LAMA3: variants seen among roughly 807,000 people sequenced by gnomAD.
LAMA3 encodes laminin subunit alpha 3, also known as laminin subunit alpha-3.
LAMA3 carries 281 observed loss-of-function variants against 402.0 expected under a neutral mutation model. The observed-to-expected ratio is 0.70, with a 90% CI of 0.63 to 0.77. The LOEUF is 0.77. Among genes scored for constraint, LAMA3 ranks in the 30% least tolerant of loss-of-function variants. LAMA3 has a pLI of 0.00. For synonymous variants in LAMA3, 1,431 were observed against 1,558.4 expected, an observed-to-expected ratio of 0.92 and a Z score of 1.93; for missense variants, 3,840 against 4,215.5, an observed-to-expected ratio of 0.91 and a Z score of 2.47.
intron 12 of LAMA3, among the ~76,000 whole-genome samples, chr18:23,804,936 C>T (rs1342441035): frequency 6.6e-6 from 1 of 152,186 alleles, no homozygotes; most frequent in Non-Finnish European, 1.5e-5. Context: ...TCACCAGAAG[C>T]AGATGCTGGC....
rs1415311756 is a variant in LAMA3 at position 23,912,853 on chromosome 18, T to C, written c.7301T>C (p.Met2434Thr). 1 of 1,614,032 alleles carries C rather than the reference T, an allele frequency of 6.2e-7. No individual in the cohort carries two copies. Among genetic ancestry groups the C allele is most frequent in the African/African-American group, 1.3e-5 (1 of 75,072 alleles). The change falls in exon 56 of 75, where the codon ATG becomes ACG. Residue 2434 changes from methionine (M) to threonine (T), a missense_variant. Physicochemically the swap from Met to Thr is moderately conservative, Grantham distance 81 (BLOSUM62 -1). Coordinates refer to ENST00000313654, the MANE Select transcript of LAMA3 (RefSeq NM_198129.4). The part of the protein sequence containing the change: ...NSRENGGTEN[M>T]FVMYLGNKDA... The stretch of plus-strand genomic sequence containing the variant: ...AGAGAAAATGGGGGTACTGAGAATA[T>C]GTTTGTGATGTACCTTGGAAATAAA...
chr18:23,760,278 CT>C (rs1345600663), intron 7 of LAMA3, among the ~76,000 whole-genome samples: 4 of 152,020 alleles, frequency 2.6e-5, no homozygotes, highest in African/African-American at 9.7e-5. Context: ...TCTAAATTCC[CT>C]TTGAAATATA....
chr18:23,817,857 T>C lies in LAMA3; in HGVS notation c.2147+1370T>C, dbSNP rs372537768. 2.6e-5 allele frequency among the ~76,000 whole-genome samples: 4 copies of C among 152,152 alleles called. No individual in the cohort carries two copies. The East Asian group carries it at 5.8e-4, about 22-fold the overall frequency. ...GCCTCCCCATGGGCCAGGGGAGCTT[T>C]GTAAATGCCTGCATAAAACGTTTTC... On this transcript the variant is annotated intron_variant, in intron 18 of 74. Transcript: ENST00000313654.
Position 23,878,707 on chromosome 18 carries a change from A to G in LAMA3, c.5112+2300A>G, listed in dbSNP as rs189431098. ...CTGATTTCACTGCAAATTGACCTCC[A>G]CCTCTCAAGGTCCAAAGTAAATGTT... is the stretch of plus-strand genomic sequence containing the variant. On this transcript the variant is annotated intron_variant, in intron 39 of 74. Coordinates refer to ENST00000313654, the MANE Select transcript of LAMA3 (RefSeq NM_198129.4). Among the ~76,000 whole-genome samples, 229 of 152,290 alleles carry G rather than the reference A, an allele frequency of 1.5e-3. 3 individuals carry two copies. The highest frequency in any genetic ancestry group is 1.3e-3 in the Non-Finnish European group (91 of 68,018).
intron 5 of LAMA3, among the ~76,000 whole-genome samples, chr18:23,752,858 G>A (rs1009076981): frequency 1.2e-4 from 18 of 152,194 alleles, no homozygotes; most frequent in South Asian, 6.2e-4. Context: ...TTGTCCTTGC[G>A]AATTCAAAGA....
chr18:23,706,078 A>G (rs1321899625), intron 1 of LAMA3, among the ~76,000 whole-genome samples: 2 of 152,174 alleles, frequency 1.3e-5, no homozygotes, highest in East Asian at 3.9e-4. Flanking sequence ...AAAGTATATC[A>G]TGCTTTTTTC....
intron 31 of LAMA3, 86 bp from the exon 32 acceptor site, chr18:23,847,378 T>A: frequency 2.1e-6 from 3 of 1,425,416 alleles, no homozygotes; most frequent in Non-Finnish European, 2.9e-6. Flanking sequence ...TTTGGAGGCT[T>A]CTGGAAAGCC....
intron 1 of LAMA3, among the ~76,000 whole-genome samples, chr18:23,703,370 C>T (rs751144038): frequency 1.3e-5 from 2 of 152,150 alleles, no homozygotes; most frequent in African/African-American, 4.8e-5. Flanking sequence ...TCAAGGGAGT[C>T]TACATAATTC....
Position 23,714,031 on chromosome 18 carries a change from A to G in LAMA3, c.406A>G (p.Thr136Ala). 6.2e-7 allele frequency: 1 copy of G among 1,614,050 alleles called. No individual in the cohort carries two copies. Residue 136 changes from threonine to alanine, a missense_variant, in exon 2 of 75, where the codon ACA becomes GCA. Around this residue, in one of 3 missense-constraint regions of LAMA3, gnomAD observed 2,109 missense variants for 2,376.0 expected, o/e 0.89. Coordinates refer to ENST00000313654, the MANE Select transcript of LAMA3 (RefSeq NM_198129.4). ...WWQSPPLSSGTQYNRVNLTLD... is the reference protein window; with the variant it reads ...WWQSPPLSSGAQYNRVNLTLD... The stretch of plus-strand genomic sequence containing the variant: ...GCAAAGCCCTCCCCTGTCCTCAGGC[A>G]CACAGTACAACAGAGTCAACCTCAC...
rs1404289986 is a variant in LAMA3, at chr18:23,826,685, T to C, written c.2572-17T>C. Reference sequence around the variant, plus strand: ...CCATCAAAATGAATGATTCTCCTTTTGGTCTTTATTTTCTAGGATTACCTG... The same window carrying C: ...CCATCAAAATGAATGATTCTCCTTTCGGTCTTTATTTTCTAGGATTACCTG... On this transcript the variant is annotated splice_polypyrimidine_tract_variant and intron_variant, in intron 21 of 74. Transcript: ENST00000313654. The C allele has an allele frequency of 2.7e-6, 4 of 1,506,014 alleles. No individual in the cohort carries two copies. In the South Asian group the frequency reaches 4.8e-5, roughly 18 times the overall value. 93.3% of individuals were successfully genotyped at this position (1,506,014 alleles called of 1,614,324 possible).
intron 8 of LAMA3, among the ~76,000 whole-genome samples, chr18:23,766,589 G>A (rs2062079620): frequency 6.6e-6 from 1 of 152,184 alleles, no homozygotes; most frequent in South Asian, 2.1e-4. Context: ...TGTAATCCCA[G>A]AACTTTGGGA....
In LAMA3 at chr18:23,725,556, T is replaced by C. The variant is rs189847976; in HGVS notation, c.447+11484T>C. On this transcript the variant is annotated intron_variant, in intron 2 of 74. Transcript: ENST00000313654. Reference sequence around the variant, plus strand: ...GTGGGTGGGGAGTGAGCTAAGGAGGTCTGGGGCTCCCCATAAGGGGGGCTC... The same window carrying C: ...GTGGGTGGGGAGTGAGCTAAGGAGGCCTGGGGCTCCCCATAAGGGGGGCTC... 1.8e-3 allele frequency among the ~76,000 whole-genome samples: 270 copies of C among 151,894 alleles called. 1 individual carries two copies. Among genetic ancestry groups the C allele is most frequent in the African/African-American group, 6.2e-3 (256 of 41,436 alleles).
intron 1 of LAMA3, among the ~76,000 whole-genome samples, chr18:23,713,349 C>T (rs2061032177): frequency 6.6e-6 from 1 of 152,324 alleles, no homozygotes; most frequent in East Asian, 1.9e-4. Context: ...TTACCAAAGT[C>T]CTATCCGTCC....
intron 12 of LAMA3, 64 bp from the exon 13 acceptor site, chr18:23,810,302 C>T (rs536969958): frequency 4.3e-5 from 68 of 1,576,592 alleles, no homozygotes; most frequent in Admixed American, 1.3e-4. Flanking sequence ...TGCTCCGGGA[C>T]GTGGTTCTTC....
chr18:23,819,843 C>T lies in LAMA3; in HGVS notation c.2150C>T (p.Pro717Leu), dbSNP rs1191195131. Residue 717 changes from proline (P) to leucine (L), a missense_variant and splice_region_variant, in exon 19 of 75, where the codon CCT becomes CTT. Physicochemically the swap from Pro to Leu is moderately conservative, Grantham distance 98. This residue lies in a region of LAMA3 where 2,109 missense variants were observed against 2,376.0 expected (regional missense o/e 0.89). Coordinates refer to ENST00000313654, the MANE Select transcript of LAMA3 (RefSeq NM_198129.4). ...EHVVGKVCQRPENNYYFPDLH... is the reference protein window; with the variant it reads ...EHVVGKVCQRLENNYYFPDLH... The stretch of plus-strand genomic sequence containing the variant: ...TGTTTACTTTTTAATTATGAAAGGC[C>T]TGAAAACAACTACTATTTCCCAGAT... 6.2e-7 allele frequency: 1 copy of T among 1,613,908 alleles called. No homozygotes were observed. The highest frequency in any genetic ancestry group is 1.7e-5 in the Admixed American group (1 of 60,022).
intron 8 of LAMA3, among the ~76,000 whole-genome samples, chr18:23,769,611 A>G (rs1462552995): frequency 6.6e-6 from 1 of 152,270 alleles, no homozygotes; most frequent in East Asian, 1.9e-4. Context: ...ACATTCAAAT[A>G]ATCCAAAAAA....
chr18:23,933,973 C>A, intron 67 of LAMA3, 38 bp downstream of exon 67: 1 of 1,602,632 alleles, frequency 6.2e-7, no homozygotes, highest in South Asian at 1.1e-5. Context: ...TCCCTCTTCC[C>A]TGGAGGATTC....
chr18:23,842,674 G>A lies in LAMA3; in HGVS notation c.3527G>A (p.Gly1176Asp), dbSNP rs754465965. The A allele has an allele frequency of 3.7e-6, 6 of 1,614,046 alleles. No individual in the cohort carries two copies. Among genetic ancestry groups the A allele is most frequent in the South Asian group, 1.1e-5 (1 of 91,080 alleles). The change falls in exon 29 of 75, where the codon GGC becomes GAC. Residue 1176 changes from glycine (G) to aspartate (D), a missense_variant. Coordinates refer to ENST00000313654, the MANE Select transcript of LAMA3 (RefSeq NM_198129.4). ...TGCCGGGATCAAGTGATTGCCGAAG[G>A]CCAGATTGAGTTTGACATCTCAGAG... ...LGCRDQVIAE[G>D]QIEFDISEPE...
At chr18:23,822,168 C>T in intron 19 of LAMA3, 84 bp from the exon 20 acceptor site, 2 of 1,480,730 alleles carry the variant, frequency 1.4e-6, no homozygotes, top group East Asian at 2.3e-5. Flanking sequence ...AGTAGTGACA[C>T]TTGAATAGAA....
Sources: allele counts gnomAD v4.1 joint callset (sites outside exome capture counted in the v4.1 genomes callset), GRCh38; gene constraint gnomAD v4.1.1; regional missense constraint gnomAD v4.1.1; transcripts MANE v1.5; gene names NCBI Gene and HGNC (gene_info 2026-07-23, HGNC 2026-07-21).